The following FANK1 variants were observed in gnomAD, a reference collection of about 807,000 sequenced individuals.
FANK1 encodes fibronectin type III and ankyrin repeat domains 1.
A neutral mutation model predicts 45.3 loss-of-function variants in FANK1; 44 were observed. The ratio of observed to expected loss-of-function variants is 0.97; its 90% CI spans 0.76 to 1.25. The LOEUF (loss-of-function observed/expected upper bound fraction) is 1.25. Among genes scored for constraint, FANK1 ranks in the 50% most tolerant of loss-of-function variants. The pLI is 0.00. For synonymous variants in FANK1, 149 were observed against 152.5 expected, an observed-to-expected ratio of 0.98 and a Z score of 0.17; for missense variants, 391 against 424.4, an observed-to-expected ratio of 0.92 and a Z score of 0.69.
chr10:125,955,837 C>T (rs1169730459), intron 1 of FANK1, among the ~76,000 whole-genome samples: 1 of 152,170 alleles, frequency 6.6e-6, no homozygotes, highest in East Asian at 1.9e-4. Flanking sequence ...AGTGATTATT[C>T]AGCTCCAAAA....
At chr10:125,994,928 C>T in intron 3 of FANK1, 1 of 985,346 alleles carries the variant, frequency 1.0e-6, no homozygotes, top group East Asian at 1.1e-4. Context: ...AGCCCTTCTG[C>T]CCCCAGAAGC....
intron 1 of FANK1, among the ~76,000 whole-genome samples, chr10:125,931,447 C>G (rs890505540): frequency 6.6e-6 from 1 of 152,102 alleles, no homozygotes; most frequent in African/African-American, 2.4e-5. Context: ...TGGTTTTGAT[C>G]TGCATTTCCC....
intron 2 of FANK1, 66 bp from the exon 3 acceptor site, chr10:125,988,485 T>A (rs928581418): frequency 3.7e-5 from 58 of 1,568,488 alleles, no homozygotes; most frequent in African/African-American, 2.6e-4. Flanking sequence ...GCTCTTCTGC[T>A]GTCTTATCAG....
At chr10:125,897,683 CT>C (rs1370383215) in intron 1 of FANK1, among the ~76,000 whole-genome samples, 1 of 152,308 alleles carries the variant, frequency 6.6e-6, no homozygotes, top group Non-Finnish European at 1.5e-5. Context: ...CTTATAGTTG[CT>C]TGATAGATTT....
chr10:125,980,458 G>A lies in FANK1; in HGVS notation c.191+120G>A, dbSNP rs1384566826. On this transcript the variant is annotated intron_variant, in intron 2 of 10. Coordinates refer to ENST00000368693, the MANE Select transcript of FANK1 (RefSeq NM_145235.5). ...ATTAAAGAATGAGTCAGCATCATTT[G>A]TATTCATGCTCTTTTATGAATTACA... 4.4e-6 allele frequency: 5 copies of A among 1,147,708 alleles called. No homozygotes were observed. In the Admixed American group the frequency reaches 1.2e-4, roughly 27 times the overall value. The allele number at this position is 1,147,708 out of a possible 1,614,324, so 71.1% of individuals were successfully genotyped here.
chr10:125,907,419 C>G (rs1029484654), intron 1 of FANK1: 1 of 852,364 alleles, frequency 1.2e-6, no homozygotes, highest in African/African-American at 1.8e-5. Flanking sequence ...ATCTCAATGT[C>G]CTGGTGTTGT....
At chr10:125,988,805 A>G (rs2280173) in intron 3 of FANK1, 130 bp downstream of exon 3, 545,664 of 1,376,362 alleles carry the variant, frequency 0.4, 112,127 homozygotes, top group South Asian at 0.45. Context: ...AAACACTGCA[A>G]TAATATTTGC....
At chr10:125,929,499 C>T (rs1947608160) in intron 1 of FANK1, among the ~76,000 whole-genome samples, 1 of 152,178 alleles carries the variant, frequency 6.6e-6, no homozygotes, top group Non-Finnish European at 1.5e-5. Context: ...TTTGCTGCTT[C>T]CCAGGTGCTC....
At chr10:126,005,743 T>C (rs1394491552) in intron 7 of FANK1, among the ~76,000 whole-genome samples, 2 of 152,252 alleles carry the variant, frequency 1.3e-5, no homozygotes, top group African/African-American at 4.8e-5. Flanking sequence ...CTTATAGCCA[T>C]TGTGCTTCTT....
Position 126,009,564 on chromosome 10 carries a change from C to G in FANK1, c.*126C>G. ...TTTATTTAGTTGAAGATTCACTGAT[C>G]CCACTTTGAAATACATCTTTTTACC... On this transcript the variant is annotated 3_prime_UTR_variant, in exon 11 of 11. Coordinates refer to ENST00000368693, the MANE Select transcript of FANK1 (RefSeq NM_145235.5). The G allele has an allele frequency of 1.0e-6, 1 of 995,454 alleles. No individual in the cohort carries two copies. The highest frequency in any genetic ancestry group is 1.6e-5 in the South Asian group (1 of 63,068). 61.7% of individuals were successfully genotyped at this position (995,454 alleles called of 1,614,324 possible).
chr10:125,943,484 A>G (rs940772085), intron 1 of FANK1, among the ~76,000 whole-genome samples: 2 of 152,224 alleles, frequency 1.3e-5, no homozygotes, highest in Non-Finnish European at 2.9e-5. Flanking sequence ...CATAACCATT[A>G]GAAACCATTC....
At chr10:125,970,307 G>A (rs1278880699) in intron 1 of FANK1, among the ~76,000 whole-genome samples, 3 of 152,012 alleles carry the variant, frequency 2.0e-5, no homozygotes, top group Admixed American at 6.5e-5. Context: ...CCTCCCAGAC[G>A]GGGCGGCGGC....
chr10:125,969,433 G>C (rs1045700989), intron 1 of FANK1, among the ~76,000 whole-genome samples: 1 of 151,886 alleles, frequency 6.6e-6, no homozygotes, highest in Admixed American at 6.6e-5. Context: ...TGTATAAAAA[G>C]TAGCATGTAA....
At chr10:125,935,343 T>G (rs905401952) in intron 1 of FANK1, among the ~76,000 whole-genome samples, 2 of 152,204 alleles carry the variant, frequency 1.3e-5, no homozygotes, top group African/African-American at 2.4e-5. Flanking sequence ...ACATGGCACC[T>G]GGCATCCAGA....
chr10:125,966,232 A>T (rs1188453973), intron 1 of FANK1, among the ~76,000 whole-genome samples: 2 of 152,204 alleles, frequency 1.3e-5, no homozygotes, highest in African/African-American at 4.8e-5. Flanking sequence ...CTTTTAAAGG[A>T]TAAGGAATGT....
At chr10:125,916,916 C>T (rs1436423829) in intron 1 of FANK1, among the ~76,000 whole-genome samples, 5 of 152,206 alleles carry the variant, frequency 3.3e-5, no homozygotes, top group African/African-American at 1.2e-4. Context: ...GAGGAAGGAA[C>T]ATCCTTCTCT....
At chr10:125,994,846 T>G (rs1224666154) in intron 3 of FANK1, 3 of 985,198 alleles carry the variant, frequency 3.0e-6, no homozygotes, top group Non-Finnish European at 2.4e-6. Flanking sequence ...TCCTCCTGGG[T>G]CTTCGCTGGT....
At chr10:125,925,377 G>T (rs1947275510) in intron 1 of FANK1, among the ~76,000 whole-genome samples, 1 of 152,066 alleles carries the variant, frequency 6.6e-6, no homozygotes, top group African/African-American at 2.4e-5. Context: ...AGTAACTTTG[G>T]TTAGACTTTG....
chr10:125,962,028 A>G (rs1564917420), intron 1 of FANK1, among the ~76,000 whole-genome samples: 1 of 152,264 alleles, frequency 6.6e-6, no homozygotes, highest in Non-Finnish European at 1.5e-5. Flanking sequence ...AGCAAAGGAA[A>G]CAATAAACAC....
Sources: gnomAD v4.1 joint callset for allele counts (sites outside exome capture counted in the v4.1 genomes callset) on GRCh38, gnomAD v4.1.1 for gene constraint, MANE v1.5 for transcripts, NCBI Gene and HGNC (gene_info 2026-07-23, HGNC 2026-07-21) for gene names.